Variants in CHFR observed in about 807,000 individuals in gnomAD.
CHFR encodes the protein checkpoint with forkhead and ring finger domains.
CHFR carries 57 observed loss-of-function variants against 87.6 expected under a neutral mutation model. That is an observed-to-expected ratio of 0.65 (90% CI 0.53 to 0.81). The LOEUF (loss-of-function observed/expected upper bound fraction) is 0.81. CHFR is among the 30% of genes least tolerant of loss of function. The pLI is 0.00. For missense variants in CHFR, 797 were observed against 865.8 expected, an observed-to-expected ratio of 0.92 and a Z score of 1.00; for synonymous variants, 381 against 359.2, an observed-to-expected ratio of 1.06 and a Z score of -0.69.
At chr12:132,843,304 T>C (rs1188248316) in intron 16 of CHFR, among the ~76,000 whole-genome samples, 2 of 152,088 alleles carry the variant, frequency 1.3e-5, no homozygotes, top group African/African-American at 4.8e-5. Context: ...TTCATGCCTG[T>C]AATCCCAGCA....
intron 8 of CHFR, 125 bp downstream of exon 8, chr12:132,858,943 A>G: frequency 1.1e-6 from 1 of 906,378 alleles, no homozygotes; most frequent in Non-Finnish European, 1.6e-6. Context: ...TGGGTGACAG[A>G]GTAACCTCAG....
rs1307591424 is a variant in CHFR, at chr12:132,834,025, A to G, written c.*7529T>C. On this transcript the variant is annotated 3_prime_UTR_variant, in exon 18 of 18. Coordinates refer to ENST00000450056, the MANE Select transcript of CHFR (RefSeq NM_001161346.2). ...GTGAGGGGGCAACAATCAGAGCCAC[A>G]AGAAGCCCCTGAAGAGAAGCCTGGG... 1 of 152,410 alleles carries G rather than the reference A, an allele frequency of 6.6e-6. No homozygotes were observed. Among genetic ancestry groups the G allele is most frequent in the Non-Finnish European group, 1.5e-5 (1 of 68,228 alleles). 9.4% of individuals were successfully genotyped at this position (152,410 alleles called of 1,614,324 possible).
chr12:132,864,178 A>G (rs1275016447), intron 6 of CHFR, among the ~76,000 whole-genome samples: 39 of 151,692 alleles, frequency 2.6e-4, no homozygotes, highest in Non-Finnish European at 4.6e-4. Context: ...TATTATTTGA[A>G]AAAAAAAAAC....
At position 132,887,336 on chromosome 12, in the gene CHFR, C is replaced by G; in HGVS notation, c.-8G>C. The G allele has an allele frequency of 6.9e-7, 1 of 1,454,658 alleles. No homozygotes were observed. Among genetic ancestry groups the G allele is most frequent in the East Asian group, 3.0e-5 (1 of 33,564 alleles). The allele number at this position is 1,454,658 out of a possible 1,614,324, so 90.1% of individuals were successfully genotyped here. ...TTCCTCGGGCCGCTCCATCGGGATTCACATCTGCGGAGACCCCGGAAACGC... is the reference window on the plus strand; with the variant it reads ...TTCCTCGGGCCGCTCCATCGGGATTGACATCTGCGGAGACCCCGGAAACGC... On this transcript the variant is annotated 5_prime_UTR_variant, in exon 2 of 18. An upstream open reading frame in the 5' UTR loses its in-frame stop. Coordinates refer to ENST00000450056, the MANE Select transcript of CHFR (RefSeq NM_001161346.2).
At chr12:132,887,046 G>A (rs1951911755) in intron 2 of CHFR, 150 bp downstream of exon 2, 3 of 616,984 alleles carry the variant, frequency 4.9e-6, no homozygotes, top group African/African-American at 3.9e-5. Context: ...AGAATCGGTG[G>A]GCAGAACACC....
chr12:132,862,463 G>C (rs1244982805), intron 6 of CHFR: 1 of 449,726 alleles, frequency 2.2e-6, no homozygotes, highest in Non-Finnish European at 4.5e-6. Flanking sequence ...AATTAACTAG[G>C]CGTGACAGTA....
intron 2 of CHFR, among the ~76,000 whole-genome samples, chr12:132,886,347 A>C (rs7963065): frequency 0.28 from 40,733 of 147,420 alleles, 5,775 homozygotes; most frequent in Middle Eastern, 0.43. Flanking sequence ...AACCAGGTGC[A>C]AGCACATTAT....
At chr12:132,870,245 G>A (rs1452389067) in intron 5 of CHFR, among the ~76,000 whole-genome samples, 1 of 152,046 alleles carries the variant, frequency 6.6e-6, no homozygotes, top group African/African-American at 2.4e-5. Context: ...CCAGCTACTC[G>A]GGAGGCTGAG....
intron 2 of CHFR, among the ~76,000 whole-genome samples, chr12:132,879,687 G>T (rs1041412540): frequency 6.6e-6 from 1 of 152,104 alleles, no homozygotes; most frequent in Non-Finnish European, 1.5e-5. Flanking sequence ...CCAGCGCCCG[G>T]CCCTGAATAC....
chr12:132,876,414 G>C (rs1039906274), intron 3 of CHFR, among the ~76,000 whole-genome samples: 1 of 152,114 alleles, frequency 6.6e-6, no homozygotes, highest in African/African-American at 2.4e-5. Flanking sequence ...GAACATTTCA[G>C]AATTTTGATT....
chr12:132,858,350 A>C (rs1951131024), intron 8 of CHFR, among the ~76,000 whole-genome samples: 1 of 151,540 alleles, frequency 6.6e-6, no homozygotes, highest in African/African-American at 2.4e-5. Context: ...ACAGAGCGAG[A>C]CTCTAACTCC....
chr12:132,875,200 C>T (rs866006495), intron 3 of CHFR, among the ~76,000 whole-genome samples: 16 of 152,264 alleles, frequency 1.1e-4, no homozygotes, highest in Non-Finnish European at 1.0e-4. Flanking sequence ...TTAAAACCTA[C>T]TTCCTAGTCT....
chr12:132,853,891 G>T, intron 10 of CHFR: 2 of 361,378 alleles, frequency 5.5e-6, no homozygotes, highest in South Asian at 7.2e-5. Context: ...GCCAGCACGT[G>T]CGCGCACGCC....
Position 132,869,725 on chromosome 12 carries a change from G to A in CHFR, c.477C>T (p.Cys159=). The A allele has an allele frequency of 6.4e-7, 1 of 1,551,714 alleles. No homozygotes were observed. Among genetic ancestry groups the A allele is most frequent in the South Asian group, 1.2e-5 (1 of 84,062 alleles). The change falls in exon 6 of 18, where the codon TGC becomes TGT. Residue 159 remains cysteine (C), a synonymous_variant. Coordinates refer to ENST00000450056, the MANE Select transcript of CHFR (RefSeq NM_001161346.2). ...VPPSSPATQV[C]FEEPQPSTST... is the part of the protein sequence containing the mutation. ...ATGTTGATGGCTGTGGTTCCTCAAA[G>A]CACACCTGAGTGGCGGGCGACGACG...
At chr12:132,872,427 T>C (rs960305957) in intron 3 of CHFR, 33 bp from the exon 4 acceptor site, 1 of 1,502,408 alleles carries the variant, frequency 6.7e-7, no homozygotes, top group Non-Finnish European at 9.3e-7. Context: ...TTTATTCTAC[T>C]TAAAATAACT....
Position 132,847,757 on chromosome 12 carries a change from T to C in CHFR, c.1647+328A>G, listed in dbSNP as rs951972161. 9 of 1,216,304 alleles carry C rather than the reference T, an allele frequency of 7.4e-6. No individual in the cohort carries two copies. The East Asian group carries it at 2.3e-4, about 31-fold the overall frequency. 75.3% of individuals were successfully genotyped at this position (1,216,304 alleles called of 1,614,324 possible). A position where few individuals can be genotyped will look rare whatever the true frequency, so the allele number is the denominator to read the frequency against. Reference sequence around the variant, plus strand: ...ACCAGAGAAAAGGCCCTGGTCTTGCTAAAGGGCGGCACCTTCAAGAAGCCC... The same window carrying C: ...ACCAGAGAAAAGGCCCTGGTCTTGCCAAAGGGCGGCACCTTCAAGAAGCCC... On this transcript the variant is annotated intron_variant, in intron 14 of 17. Coordinates refer to ENST00000450056, the MANE Select transcript of CHFR (RefSeq NM_001161346.2).
rs1442751358 is a variant in CHFR, at chr12:132,877,495, C to T, written c.233+60G>A. 1.7e-5 allele frequency: 20 copies of T among 1,189,388 alleles called. No individual in the cohort carries two copies. The Admixed American group carries it at 2.4e-4, about 14-fold the overall frequency. The allele number at this position is 1,189,388 out of a possible 1,614,324, so 73.7% of individuals were successfully genotyped here. ...CAGCCGTGGCACACAGCACAGAGCA[C>T]GAAGTCAGGCTTCTTAAGCTACAAG... On this transcript the variant is annotated intron_variant, in intron 3 of 17. Coordinates refer to ENST00000450056, the MANE Select transcript of CHFR (RefSeq NM_001161346.2).
At chr12:132,879,414 G>A (rs796479790) in intron 2 of CHFR, among the ~76,000 whole-genome samples, 27 of 145,814 alleles carry the variant, frequency 1.9e-4, no homozygotes, top group African/African-American at 5.9e-4. Flanking sequence ...TTTTTGAGAC[G>A]GAGTCTCTTT....
intron 1 of CHFR, 27 bp downstream of exon 1, chr12:132,887,520 C>A (rs1014313159): frequency 9.7e-5 from 19 of 196,624 alleles, no homozygotes; most frequent in African/African-American, 4.3e-4. Context: ...CGCCGCCCGC[C>A]GCAGCCCCCT....
Sources: gnomAD v4.1 joint callset for allele counts (sites outside exome capture counted in the v4.1 genomes callset) on GRCh38, gnomAD v4.1.1 for gene constraint, MANE v1.5 for transcripts, NCBI Gene and HGNC (gene_info 2026-07-23, HGNC 2026-07-21) for gene names.